Variants in AARS2 observed in about 807,000 individuals in gnomAD.
AARS2 encodes alanyl-tRNA synthetase 2, mitochondrial.
In AARS2, 78 loss-of-function variants were observed where a neutral mutation model predicts 119.7. The observed-to-expected ratio is 0.65, with a 90% CI of 0.54 to 0.79. The LOEUF (loss-of-function observed/expected upper bound fraction) is 0.79, where lower values mean the gene tolerates loss of function less well. Among genes scored for constraint, AARS2 ranks in the 30% least tolerant of loss-of-function variants. The probability of loss-of-function intolerance (pLI) is 0.00; values close to 1 mark genes in which losing one functional copy is unlikely to be tolerated. For synonymous variants in AARS2, 502 were observed against 526.3 expected (o/e 0.95, Z 0.63); for missense variants, 1,157 against 1,291.3 (o/e 0.90, Z 1.59).
In AARS2 at chr6:44,307,025, A is replaced by C. The variant is rs555363880; in HGVS notation, c.1047T>G (p.Val349=). The part of the protein sequence containing the change: ...IFPGMSGPPL[V]LRRILRRAVR... ...CAGCTCGACGCAGGATCCGACGAAGAACCAGCCTAAAGGGGTTCAGAGCCC... is the reference window on the plus strand; with the variant it reads ...CAGCTCGACGCAGGATCCGACGAAGCACCAGCCTAAAGGGGTTCAGAGCCC... Residue 349 remains valine, a synonymous_variant, in exon 7 of 22, where the codon GTT becomes GTG. Coordinates refer to ENST00000244571, the MANE Select transcript of AARS2 (RefSeq NM_020745.4). The surrounding 1 kb of genome is among the most constrained non-coding windows in gnomAD (Gnocchi z 4.4). 8 of 1,614,064 alleles carry C rather than the reference A, an allele frequency of 5.0e-6. No homozygotes were observed. The highest frequency in any genetic ancestry group is 6.8e-6 in the Non-Finnish European group (8 of 1,179,976).
intron 2 of AARS2, 128 bp from the exon 3 acceptor site, chr6:44,311,663 C>A: frequency 8.6e-7 from 1 of 1,168,304 alleles, no homozygotes. Flanking sequence ...ATCTTGTTCC[C>A]AGAATAAGCC....
Position 44,300,620 on chromosome 6 carries a change from T to G in AARS2, c.2885A>C (p.Gln962Pro). The G allele has an allele frequency of 6.2e-7, 1 of 1,614,004 alleles. No homozygotes were observed. The highest frequency in any genetic ancestry group is 8.5e-7 in the Non-Finnish European group (1 of 1,180,034). The change falls in exon 22 of 22, where the codon CAA becomes CCA. Residue 962 changes from glutamine to proline, a missense_variant. Coordinates refer to ENST00000244571, the MANE Select transcript of AARS2 (RefSeq NM_020745.4). ...GKAWGSRVVA[Q>P]GTGSTTDLEA... ...CAGGTCAGTAGTGCTTCCGGTGCCTTGGGCCACCACTCGTGAGCCCCACGC... is the reference window on the plus strand; with the variant it reads ...CAGGTCAGTAGTGCTTCCGGTGCCTGGGGCCACCACTCGTGAGCCCCACGC...
chr6:44,306,090 A>G (rs1407032661), intron 9 of AARS2, among the ~76,000 whole-genome samples, 190 bp downstream of exon 9: 2 of 152,186 alleles, frequency 1.3e-5, no homozygotes, highest in East Asian at 1.9e-4. Flanking sequence ...CACTGTGGAC[A>G]TGGGGAGAGG....
intron 21 of AARS2, 23 bp downstream of exon 21, chr6:44,301,133 G>T (rs377320721): frequency 1.9e-6 from 3 of 1,599,430 alleles, no homozygotes. Flanking sequence ...GGGGGCGGTG[G>T]GCTGCTCTCC....
chr6:44,302,028 G>T, intron 19 of AARS2, 32 bp downstream of exon 19: 1 of 1,606,152 alleles, frequency 6.2e-7, no homozygotes. Context: ...GAGTGTCTCT[G>T]GGCACATGGG....
Position 44,307,580 on chromosome 6 carries a change from A to G in AARS2, c.895-186T>C, listed in dbSNP as rs1785975150. 1 of 694,366 alleles carries G rather than the reference A, an allele frequency of 1.4e-6. No homozygotes were observed. Among genetic ancestry groups the G allele is most frequent in the South Asian group, 1.8e-5 (1 of 54,126 alleles). 43.0% of individuals were successfully genotyped at this position (694,366 alleles called of 1,614,324 possible). A position where few individuals can be genotyped will look rare whatever the true frequency, so the allele number is the denominator to read the frequency against. On this transcript the variant is annotated intron_variant, in intron 5 of 21. Transcript: ENST00000244571. The surrounding 1 kb of genome is among the most constrained non-coding windows in gnomAD (Gnocchi z 4.4). The stretch of plus-strand genomic sequence containing the variant: ...GCCAGGCCCTGCCCTCACGGGGCTC[A>G]TATTTGGTGCTACAAGTGAACATAT...
At chr6:44,306,151 G>C (rs1461155812) in intron 9 of AARS2, 129 bp downstream of exon 9, 2 of 922,682 alleles carry the variant, frequency 2.2e-6, no homozygotes, top group African/African-American at 3.3e-5. Context: ...GGAGAGTCCA[G>C]GGAGAAAGGA....
rs920656348 is a variant in AARS2, at chr6:44,305,377, T to C, written c.1435-179A>G. Reference sequence around the variant, plus strand: ...CCTGAGCTGGTTGAACCATCCATCATGTCGGCTCCTCGGGATTAGGCCTTC... The same window carrying C: ...CCTGAGCTGGTTGAACCATCCATCACGTCGGCTCCTCGGGATTAGGCCTTC... On this transcript the variant is annotated intron_variant, in intron 10 of 21. Coordinates refer to ENST00000244571, the MANE Select transcript of AARS2 (RefSeq NM_020745.4). This position sits in a 1 kb window ranked among gnomAD's most constrained non-coding sequence, Gnocchi z 4.6. 1.3e-5 allele frequency among the ~76,000 whole-genome samples: 2 copies of C among 152,312 alleles called. No homozygotes were observed. Among genetic ancestry groups the C allele is most frequent in the East Asian group, 3.9e-4 (2 of 5,184 alleles).
At position 44,311,042 on chromosome 6, in the gene AARS2, G is replaced by A. The variant is rs748219620; in HGVS notation, c.701C>T (p.Ala234Val). 1.9e-6 allele frequency: 3 copies of A among 1,613,984 alleles called. No homozygotes were observed. Among genetic ancestry groups the A allele is most frequent in the Non-Finnish European group, 2.5e-6 (3 of 1,180,024 alleles). ...IHYDLAGGVG[A>V]PQLVELWNLV... ...GTTCCAAAGCTCTACCAGCTGGGGG[G>A]CTCCCACCCCACCAGCAAGGTCGTA... Residue 234 changes from alanine to valine, a missense_variant, in exon 4 of 22, where the codon GCC becomes GTC. Transcript: ENST00000244571.
chr6:44,303,260 C>T, intron 15 of AARS2, 26 bp downstream of exon 15: 1 of 1,614,122 alleles, frequency 6.2e-7, no homozygotes. Flanking sequence ...CCCCCGATCT[C>T]CAGCAAAAGG....
In AARS2 at chr6:44,303,153, A is replaced by T. The variant is rs746761805; in HGVS notation, c.2168T>A (p.Val723Glu). Residue 723 changes from valine (V) to glutamate (E), a missense_variant, in exon 16 of 22, where the codon GTG becomes GAG. By Grantham distance (121) the Val-to-Glu change is moderately radical (BLOSUM62 -2). Coordinates refer to ENST00000244571, the MANE Select transcript of AARS2 (RefSeq NM_020745.4). ...LDEVYPDPVR[V>E]VSVGVPVAHA... Reference sequence around the variant, plus strand: ...GGCCACGGGCACCCCCACTGATACCACCCGCACAGGGTCTGGGTAAACCTG... The same window carrying T: ...GGCCACGGGCACCCCCACTGATACCTCCCGCACAGGGTCTGGGTAAACCTG... 6.2e-7 allele frequency: 1 copy of T among 1,614,106 alleles called. No individual in the cohort carries two copies. The highest frequency in any genetic ancestry group is 1.7e-5 in the Admixed American group (1 of 60,018).
intron 11 of AARS2, 48 bp from the exon 12 acceptor site, chr6:44,304,865 G>T (rs76002081): frequency 1.2e-6 from 2 of 1,612,762 alleles, no homozygotes; most frequent in Admixed American, 1.7e-5. Context: ...GGCTGGGGAC[G>T]TGAAGGTGGG....
At chr6:44,304,939 G>T (rs1351626421) in intron 11 of AARS2, 115 bp downstream of exon 11, 2 of 1,605,680 alleles carry the variant, frequency 1.2e-6, no homozygotes, top group Non-Finnish European at 1.7e-6. Flanking sequence ...GGGCCACAGA[G>T]ACCCCTGGTG....
At chr6:44,302,031 C>T (rs757154167) in intron 19 of AARS2, 29 bp downstream of exon 19, 6 of 1,609,286 alleles carry the variant, frequency 3.7e-6, no homozygotes, top group Non-Finnish European at 5.1e-6. Context: ...TGTCTCTGGG[C>T]ACATGGGTGC....
At chr6:44,309,143 AAC>A (rs1046988808) in intron 5 of AARS2, among the ~76,000 whole-genome samples, 1 of 152,204 alleles carries the variant, frequency 6.6e-6, no homozygotes, top group African/African-American at 2.4e-5. Flanking sequence ...CAGTGGAAAC[AAC>A]ACTGTTCTGA....
chr6:44,311,201 C>T, intron 3 of AARS2, 40 bp from the exon 4 acceptor site: 1 of 1,613,154 alleles, frequency 6.2e-7, no homozygotes, highest in Non-Finnish European at 8.5e-7. Flanking sequence ...GACAGACAGA[C>T]CCAGAAGCTG....
At chr6:44,302,315 A>T in intron 18 of AARS2, 76 bp downstream of exon 18, 1 of 1,613,022 alleles carries the variant, frequency 6.2e-7, no homozygotes, top group Non-Finnish European at 8.5e-7. Context: ...TGCTAGGGAG[A>T]GTCTGAAGGA....
chr6:44,304,914 G>A, intron 11 of AARS2, 97 bp from the exon 12 acceptor site: 2 of 1,606,650 alleles, frequency 1.2e-6, no homozygotes, highest in South Asian at 2.2e-5. Context: ...CGCTGGCAGG[G>A]GCACTTCCAG....
In AARS2 at chr6:44,310,373, C is replaced by T. The variant is rs756986216; in HGVS notation, c.820G>A (p.Val274Met). The T allele has an allele frequency of 6.2e-7, 1 of 1,614,146 alleles. No individual in the cohort carries two copies. ...VDTGMGLERL[V>M]AVLQGKHSTY... ...GAGTGTTTGCCTTGCAGCACAGCCA[C>T]CAGCCTTTCCAGGCCCATTCCTGTG... The change falls in exon 5 of 22, where the codon GTG (valine) becomes ATG (methionine). Residue 274 changes from valine (V) to methionine (M), a missense_variant. Coordinates refer to ENST00000244571, the MANE Select transcript of AARS2 (RefSeq NM_020745.4).
Sources: gnomAD v4.1 joint callset for allele counts (sites outside exome capture counted in the v4.1 genomes callset) on GRCh38, gnomAD v4.1.1 for gene constraint, Gnocchi (gnomAD v3.1) non-coding constraint, MANE v1.5 for transcripts, NCBI Gene and HGNC (gene_info 2026-07-23, HGNC 2026-07-21) for gene names.